The following TMEM229B variants were observed in gnomAD, a reference collection of about 807,000 sequenced individuals.
TMEM229B encodes transmembrane protein 229B.
Under a neutral mutation model 13.7 loss-of-function variants are expected in TMEM229B, and 6 were observed. That is an observed-to-expected ratio of 0.44 (90% confidence interval 0.24 to 0.86). TMEM229B has a LOEUF of 0.86. Among genes scored for constraint, TMEM229B ranks in the 40% least tolerant of loss-of-function variants. The pLI is 0.23. For missense variants in TMEM229B, 170 were observed against 236.0 expected, an observed-to-expected ratio of 0.72 and a Z score of 1.83; for synonymous variants, 107 against 102.1, an observed-to-expected ratio of 1.05 and a Z score of -0.29.
chr14:67,514,462 G>A lies in TMEM229B; in HGVS notation c.-192+624C>T, dbSNP rs560993975. On this transcript the variant is annotated intron_variant, in intron 1 of 2. Coordinates refer to the TMEM229B transcript ENST00000357461. ...GTGAAGAGCTGGCAGCCAGGGGGCTGGGCTGGGCCCCAGGACACGGACCTG... is the reference window on the plus strand; with the variant it reads ...GTGAAGAGCTGGCAGCCAGGGGGCTAGGCTGGGCCCCAGGACACGGACCTG... Among the ~76,000 whole-genome samples, 547 of 152,282 alleles carry A rather than the reference G, an allele frequency of 3.6e-3. 2 individuals are homozygous for A. Among genetic ancestry groups the A allele is most frequent in the Non-Finnish European group, 6.1e-3 (413 of 68,006 alleles).
intron 1 of TMEM229B, among the ~76,000 whole-genome samples, chr14:67,506,851 G>A (rs1003590142): frequency 1.3e-5 from 2 of 152,142 alleles, no homozygotes; most frequent in African/African-American, 4.8e-5. Flanking sequence ...GGGGGTGGTG[G>A]CATGCACCTG....
At chr14:67,521,842 C>T (rs1332209138) in intron 1 of TMEM229B, among the ~76,000 whole-genome samples, 1 of 152,230 alleles carries the variant, frequency 6.6e-6, no homozygotes, top group Non-Finnish European at 1.5e-5. Flanking sequence ...ATGGGTTTAA[C>T]TGTGATCGTA....
rs1429973117 is a variant in TMEM229B at position 67,473,737 on chromosome 14, T to G, written c.187A>C (p.Met63Leu). ...YGTSILIVER[M>L]YLRLRGRCPL... Reference sequence around the variant, plus strand: ...CAGCGGCCGCGCAGCCGCAGGTACATGCGCTCCACGATGAGGATGGAGGTG... The same window carrying G: ...CAGCGGCCGCGCAGCCGCAGGTACAGGCGCTCCACGATGAGGATGGAGGTG... The change falls in exon 3 of 3, where the codon ATG (methionine) becomes CTG (leucine). Residue 63 changes from methionine (M) to leucine (L), a missense_variant. Around this residue, in one of 4 missense-constraint regions of TMEM229B, gnomAD observed 57 missense variants for 66.7 expected, o/e 0.85. Transcript: ENST00000554480. This position sits in a 1 kb window ranked among gnomAD's most constrained non-coding sequence, Gnocchi z 6.5. 6.2e-7 allele frequency: 1 copy of G among 1,612,698 alleles called. No homozygotes were observed. Among genetic ancestry groups the G allele is most frequent in the Non-Finnish European group, 8.5e-7 (1 of 1,179,464 alleles).
At chr14:67,500,499 A>T (rs2032562132) in intron 1 of TMEM229B, among the ~76,000 whole-genome samples, 2 of 151,974 alleles carry the variant, frequency 1.3e-5, no homozygotes, top group African/African-American at 4.8e-5. Context: ...CAAAAACAAA[A>T]ACACAATAGA....
At chr14:67,501,073 A>C (rs2032591882) in intron 1 of TMEM229B, among the ~76,000 whole-genome samples, 1 of 148,104 alleles carries the variant, frequency 6.8e-6, no homozygotes, top group South Asian at 2.1e-4. Context: ...TAATAATAAT[A>C]ATAATAATAA....
At chr14:67,518,631 T>C (rs967063108), upstream of TMEM229B, among the ~76,000 whole-genome samples, 1 of 152,252 alleles carries the variant, frequency 6.6e-6, no homozygotes, top group South Asian at 2.1e-4. Flanking sequence ...TAGACATATA[T>C]TCTGAAAGGC....
chr14:67,501,901 T>G (rs2032625095), intron 1 of TMEM229B, among the ~76,000 whole-genome samples: 1 of 152,268 alleles, frequency 6.6e-6, no homozygotes, highest in African/African-American at 2.4e-5. Flanking sequence ...CTGTGCAATG[T>G]GAGCCTCTGT....
intron 2 of TMEM229B, among the ~76,000 whole-genome samples, chr14:67,474,966 A>C (rs1476244118): frequency 1.5e-5 from 2 of 130,808 alleles, no homozygotes; most frequent in Non-Finnish European, 3.0e-5. Context: ...TCCAGGCTGG[A>C]GTGCAGTGGC....
At chr14:67,498,727 G>A (rs926442109) in intron 1 of TMEM229B, among the ~76,000 whole-genome samples, 1 of 152,152 alleles carries the variant, frequency 6.6e-6, no homozygotes, top group Admixed American at 6.5e-5. Context: ...GTCCAGTGGC[G>A]TGATCTCGGC....
At chr14:67,523,017 G>A (rs551473280) in intron 1 of TMEM229B, among the ~76,000 whole-genome samples, 2 of 152,270 alleles carry the variant, frequency 1.3e-5, no homozygotes, top group African/African-American at 4.8e-5. Context: ...TTTGAGAACT[G>A]GGCTCCTGAC....
chr14:67,515,426 C>CGGCGGCGGT, exon 1 of TMEM229B: 1 of 184,852 alleles, frequency 5.4e-6, no homozygotes. Flanking sequence ...GCGGCGGCGG[C>CGGCGGCGGT]GGCGGCGGCG....
intron 2 of TMEM229B, among the ~76,000 whole-genome samples, chr14:67,477,537 C>T (rs1253679709): frequency 6.6e-6 from 1 of 152,158 alleles, no homozygotes; most frequent in African/African-American, 2.4e-5. Context: ...CTGTCCCCGG[C>T]CAGACCTCTT....
At chr14:67,481,627 A>C (rs2031592718) in intron 2 of TMEM229B, among the ~76,000 whole-genome samples, 1 of 152,198 alleles carries the variant, frequency 6.6e-6, no homozygotes, top group Non-Finnish European at 1.5e-5. Context: ...GCGTTTTCAG[A>C]ACCCCACTCT....
At chr14:67,481,171 A>G (rs2031562732) in intron 2 of TMEM229B, among the ~76,000 whole-genome samples, 2 of 152,192 alleles carry the variant, frequency 1.3e-5, no homozygotes, top group Non-Finnish European at 2.9e-5. Context: ...GTGTGCCTGT[A>G]GTCCCAGACG....
chr14:67,522,419 G>C (rs560469874), intron 1 of TMEM229B, among the ~76,000 whole-genome samples: 1 of 152,166 alleles, frequency 6.6e-6, no homozygotes, highest in Non-Finnish European at 1.5e-5. Flanking sequence ...AGTCGTCTGA[G>C]GGGGGACAAA....
chr14:67,494,864 C>T (rs147819147), intron 1 of TMEM229B, among the ~76,000 whole-genome samples: 5 of 152,288 alleles, frequency 3.3e-5, no homozygotes, highest in Non-Finnish European at 4.4e-5. Context: ...GTAATCCCAG[C>T]GCTTTGAGAG....
chr14:67,505,368 T>G (rs574332665), intron 1 of TMEM229B, among the ~76,000 whole-genome samples: 21 of 152,148 alleles, frequency 1.4e-4, no homozygotes, highest in Non-Finnish European at 2.6e-4. Flanking sequence ...GTCTGTCCCC[T>G]GCAACTGGGA....
intron 2 of TMEM229B, among the ~76,000 whole-genome samples, chr14:67,480,662 G>A (rs554272688): frequency 2.0e-5 from 3 of 152,260 alleles, no homozygotes; most frequent in Non-Finnish European, 4.4e-5. Context: ...TGACCTGCAC[G>A]TATCCCCCTG....
intron 1 of TMEM229B, among the ~76,000 whole-genome samples, chr14:67,532,845 C>A (rs925850367): frequency 6.6e-6 from 1 of 152,242 alleles, no homozygotes; most frequent in East Asian, 1.9e-4. Flanking sequence ...AATGCTGGAA[C>A]CTTTGGCGGA....
Sources: gnomAD v4.1 joint callset for allele counts (sites outside exome capture counted in the v4.1 genomes callset) on GRCh38, gnomAD v4.1.1 for gene constraint, gnomAD v4.1.1 regional missense constraint, Gnocchi (gnomAD v3.1) non-coding constraint, MANE v1.5 for transcripts, NCBI Gene and HGNC (gene_info 2026-07-23, HGNC 2026-07-21) for gene names.